MYH7B: variants seen among roughly 807,000 people sequenced by gnomAD.
MYH7B encodes myosin heavy chain 7B, also known as myosin-7B.
In MYH7B, 205 loss-of-function variants were observed where a neutral mutation model predicts 234.5. That is an observed-to-expected ratio of 0.87 (90% CI 0.78 to 0.98). MYH7B has a LOEUF of 0.98. Among genes scored for constraint, MYH7B ranks in the 50% least tolerant of loss-of-function variants. The probability of loss-of-function intolerance (pLI) is 0.00; values close to 1 mark genes in which losing one functional copy is unlikely to be tolerated. For missense variants in MYH7B, 2,652 were observed against 2,633.4 expected (o/e 1.01, Z -0.15); for synonymous variants, 1,193 against 1,105.0 (o/e 1.08, Z -1.58).
chr20:35,001,830 G>C, intron 43 of MYH7B, 118 bp from the exon 44 acceptor site: 1 of 1,451,572 alleles, frequency 6.9e-7, no homozygotes, highest in East Asian at 2.3e-5. Context: ...GATGGACAGT[G>C]GCAATAGGAA....
chr20:34,959,602 C>G (rs1210372004), intron 2 of MYH7B, among the ~76,000 whole-genome samples: 1 of 151,880 alleles, frequency 6.6e-6, no homozygotes, highest in Non-Finnish European at 1.5e-5. Flanking sequence ...CTCAGTCTCC[C>G]GAGTAGCTGG....
Position 34,990,321 on chromosome 20 carries a change from A to G in MYH7B, c.1977+11A>G, listed in dbSNP as rs777783187. On this transcript the variant is annotated intron_variant, in intron 22 of 44. Coordinates refer to ENST00000262873, the Ensembl canonical transcript of MYH7B. ...TCCCAGCTGCACAAGGTAAGGCCCC[A>G]TCTGGGAGACAGACCCTCCCTCTTG... 11 of 1,614,098 alleles carry G rather than the reference A, an allele frequency of 6.8e-6. No homozygotes were observed. Among genetic ancestry groups the G allele is most frequent in the South Asian group, 1.1e-5 (1 of 91,074 alleles).
intron 2 of MYH7B, among the ~76,000 whole-genome samples, chr20:34,968,258 G>T (rs2081761139): frequency 6.6e-6 from 1 of 152,234 alleles, no homozygotes; most frequent in Non-Finnish European, 1.5e-5. Flanking sequence ...CCCTGCAGAT[G>T]CAAAGCTGAA....
intron 2 of MYH7B, 48 bp from the exon 3 acceptor site, chr20:34,975,352 A>G: frequency 1.8e-6 from 1 of 552,824 alleles, no homozygotes; most frequent in South Asian, 2.4e-5. Context: ...CTACAGGTGC[A>G]TGCCACCATG....
exon 39 of MYH7B, chr20:35,000,630 C>G (rs577569071): frequency 6.3e-7 from 1 of 1,577,798 alleles, no homozygotes; most frequent in East Asian, 2.3e-5. Flanking sequence ...GCGCAGCCGG[C>G]GACTGGCAGA....
intron 14 of MYH7B, among the ~76,000 whole-genome samples, chr20:34,986,647 A>C (rs2082029050): frequency 6.6e-6 from 1 of 152,230 alleles, no homozygotes; most frequent in Non-Finnish European, 1.5e-5. Context: ...TCAGAGAACC[A>C]GAAAAAGAAG....
At position 34,986,129 on chromosome 20, in the gene MYH7B, C is replaced by T. The variant is rs996024980; in HGVS notation, c.835C>T (p.Gln279Ter). The change falls in exon 14 of 45, where the codon CAG becomes TAG. Residue 279 changes from glutamine to a stop codon, truncating the protein, a stop_gained. Transcript: ENST00000262873. LOFTEE classifies it high-confidence loss of function. Reference sequence around the variant, plus strand: ...CCTGGAGAAGTCGCGGGTGATCTTCCAGTTGCCTGGTGAGCGCAGCTACCA... The same window carrying T: ...CCTGGAGAAGTCGCGGGTGATCTTCTAGTTGCCTGGTGAGCGCAGCTACCA... The T allele has an allele frequency of 1.9e-6, 3 of 1,594,196 alleles. No individual in the cohort carries two copies. Among genetic ancestry groups the T allele is most frequent in the Admixed American group, 1.7e-5 (1 of 57,598 alleles).
rs748812584 is a variant in MYH7B at position 34,979,494 on chromosome 20, A to G, written c.196A>G (p.Lys66Glu). The change falls in exon 6 of 45, where the codon AAG becomes GAG. Residue 66 changes from lysine to glutamate, a missense_variant and splice_region_variant. Around this residue, in one of 3 missense-constraint regions of MYH7B, gnomAD observed 366 missense variants for 401.2 expected, o/e 0.91. Coordinates refer to ENST00000262873, the Ensembl canonical transcript of MYH7B. ...AGTCACCGTGGAGACCAAAGACCAG[A>G]AGGTTCCGTTCCCCCTTTCCTGAGA... 6.8e-6 allele frequency: 11 copies of G among 1,611,906 alleles called. No homozygotes were observed. The highest frequency in any genetic ancestry group is 6.7e-5 in the Admixed American group (4 of 59,816).
At chr20:34,989,652 G>C in intron 19 of MYH7B, 88 bp from the exon 20 acceptor site, 2 of 1,345,206 alleles carry the variant, frequency 1.5e-6, no homozygotes, top group Non-Finnish European at 2.0e-6. Flanking sequence ...AAGGCTCCCA[G>C]AAGGGAGGTG....
chr20:34,986,176 A>T, exon 14 of MYH7B: 1 of 1,596,826 alleles, frequency 6.3e-7, no homozygotes, highest in Non-Finnish European at 8.5e-7. Context: ...AGATCCTCTC[A>T]GGGAGGAAGC....
chr20:34,965,424 G>C (rs540052151), intron 2 of MYH7B, among the ~76,000 whole-genome samples: 63 of 152,360 alleles, frequency 4.1e-4, no homozygotes, highest in African/African-American at 1.1e-3. Context: ...AGCAGAGCGA[G>C]AGGCCGCTGG....
At chr20:34,999,211 T>C (rs751558394) in exon 36 of MYH7B, 3 of 1,612,440 alleles carry the variant, frequency 1.9e-6, no homozygotes, top group East Asian at 2.2e-5. Context: ...GCTGCTGCGC[T>C]GGACAAGAAG....
intron 2 of MYH7B, among the ~76,000 whole-genome samples, chr20:34,972,377 G>A (rs531588652): frequency 1.3e-5 from 2 of 151,882 alleles, no homozygotes; most frequent in African/African-American, 4.8e-5. Context: ...CCGCCTCACC[G>A]GCTTCTTGGC....
intron 28 of MYH7B, among the ~76,000 whole-genome samples, chr20:34,996,051 G>A (rs1019631633): frequency 3.3e-5 from 5 of 152,254 alleles, no homozygotes; most frequent in African/African-American, 9.6e-5. Context: ...TGAGGAAGCC[G>A]GGACTAGGAG....
At chr20:34,987,286 G>C (rs202049379) in exon 16 of MYH7B, 1 of 1,610,460 alleles carries the variant, frequency 6.2e-7, no homozygotes, top group East Asian at 2.2e-5. Context: ...ATGGCACTGA[G>C]AGTGAGGGGC....
chr20:34,999,392 CAAG>C, exon 36 of MYH7B: 2 of 1,519,970 alleles, frequency 1.3e-6, no homozygotes, highest in South Asian at 1.3e-5. Context: ...AGCGGGAGAA[CAAG>C]AACCTGCAGG....
At chr20:34,993,302 G>T in intron 25 of MYH7B, 32 bp from the exon 26 acceptor site, 1 of 1,614,048 alleles carries the variant, frequency 6.2e-7, no homozygotes, top group Non-Finnish European at 8.5e-7. Flanking sequence ...ATGGTTGGGG[G>T]TTACCCTGGC....
In MYH7B at chr20:35,000,612, C is replaced by T; in HGVS notation, c.5101C>T (p.Gln1701Ter). The T allele has an allele frequency of 6.4e-7, 1 of 1,573,138 alleles. No homozygotes were observed. The highest frequency in any genetic ancestry group is 1.3e-5 in the African/African-American group (1 of 74,576). ...GGAGGAGCTGCGGGCTGCCCTGGAG[C>T]AGGGCGAGCGCAGCCGGCGACTGGC... The change falls in exon 39 of 45, where the codon CAG becomes TAG. Residue 1701 changes from glutamine to a stop codon, truncating the protein, a stop_gained. Transcript: ENST00000262873. LOFTEE classifies it high-confidence loss of function.
intron 24 of MYH7B, among the ~76,000 whole-genome samples, chr20:34,992,143 T>A (rs2082162574): frequency 6.6e-6 from 1 of 152,192 alleles, no homozygotes; most frequent in South Asian, 2.1e-4. Context: ...CCCAGCACTT[T>A]GGGAGGCCGA....
Sources: allele counts gnomAD v4.1 joint callset (sites outside exome capture counted in the v4.1 genomes callset), GRCh38; gene constraint gnomAD v4.1.1; regional missense constraint gnomAD v4.1.1; transcripts MANE v1.5; gene names NCBI Gene and HGNC (gene_info 2026-07-23, HGNC 2026-07-21).